The following SYNRG variants were observed in gnomAD, a reference collection of about 807,000 sequenced individuals.
The protein encoded by SYNRG is synergin gamma.
Under a neutral mutation model 130.9 loss-of-function variants are expected in SYNRG, and 37 were observed. The ratio of observed to expected loss-of-function variants is 0.28; its 90% CI spans 0.22 to 0.37. The LOEUF is 0.37. Ranked by LOEUF, SYNRG falls within the 10% of genes least tolerant of loss-of-function variation. SYNRG has a pLI of 1.00. For missense variants in SYNRG, 1,338 were observed against 1,588.9 expected (o/e 0.84, Z 2.68); for synonymous variants, 539 against 568.1 (o/e 0.95, Z 0.73).
intron 1 of SYNRG, among the ~76,000 whole-genome samples, chr17:37,605,162 A>C (rs1329856710): frequency 1.3e-5 from 2 of 152,220 alleles, no homozygotes; most frequent in Non-Finnish European, 2.9e-5. Flanking sequence ...TATAAAAAAC[A>C]CTGTATCTGC....
intron 14 of SYNRG, among the ~76,000 whole-genome samples, chr17:37,545,315 G>C (rs2145049136): frequency 6.6e-6 from 1 of 151,988 alleles, no homozygotes; most frequent in East Asian, 1.9e-4. Context: ...AGAATCGCTT[G>C]AATAAGGGAA....
Position 37,520,628 on chromosome 17 carries a change from A to G in SYNRG, c.3687T>C (p.Asp1229=). ...CAGGCCGTAACATACAGGAGGAAAA[A>G]TCCAGCGAGTTTTCATCTGGCTGTG... ...ATLTPDENSL[D]FSSCMLRPGI... is the part of the protein sequence containing the mutation. Residue 1229 remains aspartate (D), a synonymous_variant, in exon 20 of 22, where the codon GAT becomes GAC. Transcript: ENST00000612223. 1 of 1,614,150 alleles carries G rather than the reference A, an allele frequency of 6.2e-7. No individual in the cohort carries two copies. The highest frequency in any genetic ancestry group is 1.1e-5 in the South Asian group (1 of 91,088).
chr17:37,559,341 A>C (rs548083162), intron 13 of SYNRG, among the ~76,000 whole-genome samples: 9 of 152,140 alleles, frequency 5.9e-5, no homozygotes, highest in African/African-American at 1.9e-4. Context: ...GCTAAAAAAA[A>C]CCAAATAATA....
At chr17:37,595,955 A>G (rs1238726939) in intron 3 of SYNRG, among the ~76,000 whole-genome samples, 2 of 152,110 alleles carry the variant, frequency 1.3e-5, no homozygotes, top group Admixed American at 6.5e-5. Context: ...GGGATTCACC[A>G]TGTTGGCCAG....
At chr17:37,552,353 G>C (rs1185487302) in intron 14 of SYNRG, among the ~76,000 whole-genome samples, 1 of 151,884 alleles carries the variant, frequency 6.6e-6, no homozygotes, top group African/African-American at 2.4e-5. Context: ...TTGAACTAGA[G>C]AGTAAATTGC....
chr17:37,561,297 T>A, intron 12 of SYNRG, 40 bp from the exon 13 acceptor site: 3 of 1,600,326 alleles, frequency 1.9e-6, no homozygotes, highest in Non-Finnish European at 1.7e-6. Context: ...AGGTTAGGAA[T>A]CTTGAAATCA....
intron 6 of SYNRG, among the ~76,000 whole-genome samples, chr17:37,578,402 A>C (rs1201246674): frequency 6.6e-6 from 1 of 152,188 alleles, no homozygotes; most frequent in East Asian, 1.9e-4. Context: ...GAGACTTCAG[A>C]GATTTTAGAG....
rs975012709 is a variant in SYNRG at position 37,607,649 on chromosome 17, C to T, written c.77+1630G>A. 3.3e-5 allele frequency among the ~76,000 whole-genome samples: 5 copies of T among 152,224 alleles called. No individual in the cohort carries two copies. In the East Asian group the frequency reaches 7.7e-4, roughly 24 times the overall value. The stretch of plus-strand genomic sequence containing the variant: ...ACTAAAAATACAGAAATTAGCTGGG[C>T]GTGGTGGCGCACGCCTGTAATCCCA... On this transcript the variant is annotated intron_variant, in intron 1 of 21. Transcript: ENST00000612223.
intron 15 of SYNRG, 34 bp downstream of exon 15, chr17:37,541,938 C>A: frequency 1.3e-6 from 2 of 1,574,134 alleles, no homozygotes; most frequent in East Asian, 2.3e-5. Context: ...GGAAAAAAAC[C>A]ACAATAGTAA....
chr17:37,542,885 G>A (rs1039165223), intron 14 of SYNRG, among the ~76,000 whole-genome samples: 1 of 152,120 alleles, frequency 6.6e-6, no homozygotes, highest in Non-Finnish European at 1.5e-5. Context: ...TTAATAAATT[G>A]TTCCCTTATC....
rs758751215 is a variant in SYNRG, at chr17:37,520,621, A to G, written c.3694T>C (p.Ser1232Pro). ...TTAATCCCAGGCCGTAACATACAGG[A>G]GGAAAAATCCAGCGAGTTTTCATCT... ...TPDENSLDFS[S>P]CMLRPGIKNA... Residue 1232 changes from serine to proline, a missense_variant, in exon 20 of 22, where the codon TCC becomes CCC. Ser to Pro is a moderately conservative substitution (Grantham distance 74). Around this residue, in one of 3 missense-constraint regions of SYNRG, gnomAD observed 1,146 missense variants for 1,342.3 expected, o/e 0.85. Coordinates refer to ENST00000612223, the MANE Select transcript of SYNRG (RefSeq NM_007247.6). 6.2e-7 allele frequency: 1 copy of G among 1,614,220 alleles called. No homozygotes were observed. The highest frequency in any genetic ancestry group is 8.5e-7 in the Non-Finnish European group (1 of 1,180,044).
At chr17:37,520,978 A>G (rs191005942) in intron 19 of SYNRG, among the ~76,000 whole-genome samples, 5 of 151,272 alleles carry the variant, frequency 3.3e-5, no homozygotes, top group East Asian at 1.9e-4. Context: ...ACTTAGCCCA[A>G]CTCGAGGAGG....
chr17:37,571,652 A>T, intron 9 of SYNRG, 139 bp downstream of exon 9: 1 of 742,802 alleles, frequency 1.3e-6, no homozygotes, highest in Non-Finnish European at 2.1e-6. Flanking sequence ...TATAAACTCT[A>T]CATTTTTGAA....
chr17:37,532,392 G>A lies in SYNRG; in HGVS notation c.3666+3587C>T, dbSNP rs373680018. 3.3e-5 allele frequency among the ~76,000 whole-genome samples: 5 copies of A among 152,238 alleles called. No individual in the cohort carries two copies. The East Asian group carries it at 7.7e-4, about 24-fold the overall frequency. Reference sequence around the variant, plus strand: ...ATTGGGCTTAATTAGTAGGCAGGCCGGGCATGGTGGCTCATACCTGTAATG... The same window carrying A: ...ATTGGGCTTAATTAGTAGGCAGGCCAGGCATGGTGGCTCATACCTGTAATG... On this transcript the variant is annotated intron_variant, in intron 19 of 21. Coordinates refer to ENST00000612223, the MANE Select transcript of SYNRG (RefSeq NM_007247.6).
chr17:37,586,511 C>A lies in SYNRG; in HGVS notation c.279G>T (p.Met93Ile). ...IPMGPMPAAG[M>I]PYLGQAPFLG... ...GGAAGGGTGCTTGTCCTAGGTAAGG[C>A]ATTCCCGCTGCTGGCATTGGTCCCA... is the stretch of plus-strand genomic sequence containing the variant. Residue 93 changes from methionine (M) to isoleucine (I), a missense_variant, in exon 4 of 22, where the codon ATG becomes ATT. Coordinates refer to ENST00000612223, the MANE Select transcript of SYNRG (RefSeq NM_007247.6). The A allele has an allele frequency of 4.3e-6, 7 of 1,614,182 alleles. No homozygotes were observed. The highest frequency in any genetic ancestry group is 5.9e-6 in the Non-Finnish European group (7 of 1,180,034).
In SYNRG at chr17:37,520,652, T is replaced by C; in HGVS notation, c.3667-4A>G. 1.9e-6 allele frequency: 3 copies of C among 1,613,642 alleles called. No homozygotes were observed. The highest frequency in any genetic ancestry group is 2.5e-6 in the Non-Finnish European group (3 of 1,179,528). On this transcript the variant is annotated splice_region_variant and splice_polypyrimidine_tract_variant and intron_variant, in intron 19 of 21. Coordinates refer to ENST00000612223, the MANE Select transcript of SYNRG (RefSeq NM_007247.6). ...AATCCAGCGAGTTTTCATCTGGCTG[T>C]GAGGACGACAAGACAAATGGGTAAG... is the stretch of plus-strand genomic sequence containing the variant.
chr17:37,567,460 T>C (rs1341852826), intron 11 of SYNRG: 2 of 152,206 alleles, frequency 1.3e-5, no homozygotes, highest in Non-Finnish European at 2.9e-5. Context: ...GATGCTTAGA[T>C]AGCAGTAGTA....
chr17:37,580,109 T>C (rs952122924), intron 6 of SYNRG, among the ~76,000 whole-genome samples: 7 of 152,168 alleles, frequency 4.6e-5, no homozygotes, highest in African/African-American at 1.2e-4. Flanking sequence ...CCTACCAATA[T>C]AGTGCTGAAT....
chr17:37,578,633 A>G (rs1236243118), intron 6 of SYNRG, among the ~76,000 whole-genome samples: 2 of 152,200 alleles, frequency 1.3e-5, no homozygotes, highest in Admixed American at 1.3e-4. Flanking sequence ...CATGTCTGCC[A>G]AGATCCCTCC....
Sources: allele counts gnomAD v4.1 joint callset (sites outside exome capture counted in the v4.1 genomes callset), GRCh38; gene constraint gnomAD v4.1.1; regional missense constraint gnomAD v4.1.1; transcripts MANE v1.5; gene names NCBI Gene and HGNC (gene_info 2026-07-23, HGNC 2026-07-21).